Variants in CNTNAP4 observed in about 807,000 individuals in gnomAD.
CNTNAP4 encodes the protein contactin associated protein family member 4, also known as contactin-associated protein-like 4.
A neutral mutation model predicts 148.4 loss-of-function variants in CNTNAP4; 98 were observed. That is an observed-to-expected ratio of 0.66 (90% CI 0.56 to 0.78). CNTNAP4 has a LOEUF of 0.78. Ranked by LOEUF, CNTNAP4 falls within the 30% of genes least tolerant of loss-of-function variation. The pLI is 0.00. For missense variants in CNTNAP4, 1,935 were observed against 1,565.6 expected, an observed-to-expected ratio of 1.24 and a Z score of -3.98; for synonymous variants, 730 against 565.1, an observed-to-expected ratio of 1.29 and a Z score of -4.14.
chr16:76,499,743 T>C (rs1429656339), intron 15 of CNTNAP4, among the ~76,000 whole-genome samples: 1 of 150,422 alleles, frequency 6.6e-6, no homozygotes, highest in South Asian at 2.1e-4. Context: ...TACTTGAGAT[T>C]AGGGAGTGGT....
intron 15 of CNTNAP4, among the ~76,000 whole-genome samples, chr16:76,508,454 C>G (rs1407509179): frequency 3.2e-5 from 3 of 95,176 alleles, no homozygotes; most frequent in African/African-American, 7.8e-5. Context: ...TAACTTTTCA[C>G]TCAATACAGT....
chr16:76,510,468 G>GT (rs1439301378), intron 15 of CNTNAP4, among the ~76,000 whole-genome samples: 4 of 98,294 alleles, frequency 4.1e-5, no homozygotes, highest in African/African-American at 1.1e-4. Flanking sequence ...ATCCATGTAT[G>GT]CTTTTTTTTT....
At chr16:76,457,683 G>T (rs918382558) in intron 8 of CNTNAP4, among the ~76,000 whole-genome samples, 2 of 152,160 alleles carry the variant, frequency 1.3e-5, no homozygotes, top group African/African-American at 4.8e-5. Context: ...ATGATGAGAT[G>T]AATGTTAAAA....
rs572875804 is a variant in CNTNAP4 at position 76,321,439 on chromosome 16, G to A, written c.196+4916G>A. The stretch of plus-strand genomic sequence containing the variant: ...ATAGATCCCTAAAGATAAAAAAAAA[G>A]TAGGTGCTTTTTTATGAGTTGGATA... On this transcript the variant is annotated intron_variant, in intron 2 of 23. Transcript: ENST00000611870. Among the ~76,000 whole-genome samples the A allele has an allele frequency of 1.4e-3, 211 of 152,206 alleles. 3 individuals are homozygous for A. The highest frequency in any genetic ancestry group is 5.0e-3 in the African/African-American group (208 of 41,538).
At chr16:76,382,256 A>G (rs930977266) in intron 3 of CNTNAP4, among the ~76,000 whole-genome samples, 1 of 152,060 alleles carries the variant, frequency 6.6e-6, no homozygotes, top group Non-Finnish European at 1.5e-5. Context: ...AGCAAAAGTA[A>G]AATGGAACAA....
intron 3 of CNTNAP4, among the ~76,000 whole-genome samples, chr16:76,424,139 A>G (rs184145891): frequency 6.6e-6 from 1 of 152,134 alleles, no homozygotes; most frequent in East Asian, 1.9e-4. Flanking sequence ...TAGCTCATAA[A>G]TTGATCAAGT....
At chr16:76,331,452 T>G (rs1461562939) in intron 2 of CNTNAP4, among the ~76,000 whole-genome samples, 1 of 151,708 alleles carries the variant, frequency 6.6e-6, no homozygotes, top group Non-Finnish European at 1.5e-5. Flanking sequence ...CATCCCAAAG[T>G]GCTGAGATTA....
At chr16:76,425,297 G>T (rs1349374432) in intron 3 of CNTNAP4, among the ~76,000 whole-genome samples, 1 of 152,110 alleles carries the variant, frequency 6.6e-6, no homozygotes, top group East Asian at 1.9e-4. Context: ...ATTGCAATTT[G>T]CACATTAGCA....
intron 2 of CNTNAP4, among the ~76,000 whole-genome samples, chr16:76,323,643 C>T (rs1281706251): frequency 6.6e-6 from 1 of 152,056 alleles, no homozygotes; most frequent in Non-Finnish European, 1.5e-5. Context: ...TGGCTGGTTC[C>T]CTCTTGGCTT....
rs1357370169 is a variant in CNTNAP4 at position 76,366,658 on chromosome 16, G to C, written c.390+11147G>C. Among the ~76,000 whole-genome samples the C allele has an allele frequency of 2.0e-5, 3 of 152,234 alleles. No individual in the cohort carries two copies. In the East Asian group the frequency reaches 5.8e-4, roughly 29 times the overall value. Reference sequence around the variant, plus strand: ...ATTCTGGGTATGTACTCAGTAGTGGGATTGCTGGGTCAAATGGTTCTTAGC... The same window carrying C: ...ATTCTGGGTATGTACTCAGTAGTGGCATTGCTGGGTCAAATGGTTCTTAGC... On this transcript the variant is annotated intron_variant, in intron 3 of 23. Transcript: ENST00000611870.
chr16:76,520,927 G>C (rs2083427800), intron 15 of CNTNAP4, among the ~76,000 whole-genome samples: 1 of 151,810 alleles, frequency 6.6e-6, no homozygotes, highest in South Asian at 2.1e-4. Flanking sequence ...CTCTCTATTG[G>C]AAAAAATCCA....
chr16:76,306,639 C>A (rs1418630710), intron 1 of CNTNAP4, among the ~76,000 whole-genome samples: 2 of 152,140 alleles, frequency 1.3e-5, no homozygotes, highest in African/African-American at 2.4e-5. Flanking sequence ...GTGCTTGATA[C>A]GAAGATTTTG....
chr16:76,493,730 A>C (rs189977173), intron 13 of CNTNAP4, among the ~76,000 whole-genome samples: 58 of 152,196 alleles, frequency 3.8e-4, no homozygotes, highest in Non-Finnish European at 8.1e-4. Context: ...TTAAAAAAAG[A>C]CGAAGATTCT....
At chr16:76,329,775 CAT>C (rs1285499383) in intron 2 of CNTNAP4, among the ~76,000 whole-genome samples, 2 of 152,074 alleles carry the variant, frequency 1.3e-5, no homozygotes, top group Non-Finnish European at 2.9e-5. Context: ...AAAAGGGACA[CAT>C]AAAATAGATT....
At chr16:76,556,382 A>G (rs1017691761) in intron 23 of CNTNAP4, among the ~76,000 whole-genome samples, 1 of 152,190 alleles carries the variant, frequency 6.6e-6, no homozygotes, top group African/African-American at 2.4e-5. Context: ...TTTTGGTATA[A>G]CACGTGTGAT....
chr16:76,308,332 T>A (rs992683965), intron 1 of CNTNAP4, among the ~76,000 whole-genome samples: 4 of 152,220 alleles, frequency 2.6e-5, no homozygotes, highest in Admixed American at 6.5e-5. Context: ...GATGAGAGGA[T>A]GAGAGACGAT....
intron 1 of CNTNAP4, among the ~76,000 whole-genome samples, chr16:76,282,883 C>G (rs983160477): frequency 2.7e-4 from 41 of 150,900 alleles, no homozygotes; most frequent in African/African-American, 9.5e-4. Flanking sequence ...AGTTTTTTTT[C>G]AAAACAAATG....
chr16:76,420,619 C>T (rs550358191), intron 3 of CNTNAP4, among the ~76,000 whole-genome samples: 1 of 151,960 alleles, frequency 6.6e-6, no homozygotes, highest in African/African-American at 2.4e-5. Context: ...TCTTTGAGGG[C>T]TCTAGAACTA....
Position 76,416,615 on chromosome 16 carries a change from T to C in CNTNAP4, c.391-10837T>C, listed in dbSNP as rs571497373. On this transcript the variant is annotated intron_variant, in intron 3 of 23. Transcript: ENST00000611870. ...TGACCTGAGAGCATACATTGTATGA[T>C]TTCTATTTTTATAAATTTGCAAGAG... 5.3e-5 allele frequency among the ~76,000 whole-genome samples: 8 copies of C among 151,672 alleles called. No individual in the cohort carries two copies. The South Asian group carries it at 1.4e-3, about 27-fold the overall frequency.
Sources: gnomAD v4.1 joint callset for allele counts (sites outside exome capture counted in the v4.1 genomes callset) on GRCh38, gnomAD v4.1.1 for gene constraint, MANE v1.5 for transcripts, NCBI Gene and HGNC (gene_info 2026-07-23, HGNC 2026-07-21) for gene names.